Variants in VGLL4 observed in about 807,000 individuals in gnomAD.
VGLL4 encodes the protein vestigial like family member 4.
Under a neutral mutation model 21.0 loss-of-function variants are expected in VGLL4, and 7 were observed. The observed-to-expected ratio is 0.33, with a 90% CI of 0.19 to 0.63. The LOEUF is 0.63. VGLL4 is among the 20% of genes least tolerant of loss of function. The pLI, the probability that VGLL4 is intolerant of heterozygous loss-of-function variation, is 0.78. For missense variants in VGLL4, 394 were observed against 425.7 expected, an observed-to-expected ratio of 0.93 and a Z score of 0.66; for synonymous variants, 222 against 173.2, an observed-to-expected ratio of 1.28 and a Z score of -2.21.
Position 11,568,932 on chromosome 3 carries a change from C to T in VGLL4, c.273-3913G>A. On this transcript the variant is annotated intron_variant, in intron 2 of 4. Transcript: ENST00000430365. The surrounding 1 kb of genome is among the most constrained non-coding windows in gnomAD (Gnocchi z 5.9). ...CCATCCTAGGCGGGCACTTCCACTG[C>T]CAGCTGCCCACGGAGAGAAAGATGG... is the stretch of plus-strand genomic sequence containing the variant. The T allele has an allele frequency of 8.0e-7, 1 of 1,243,046 alleles. No homozygotes were observed. The highest frequency in any genetic ancestry group is 1.9e-5 in the South Asian group (1 of 51,298). 77.0% of individuals were successfully genotyped at this position (1,243,046 alleles called of 1,614,324 possible). A position where few individuals can be genotyped will look rare whatever the true frequency, so the allele number is the denominator to read the frequency against.
chr3:11,575,085 C>A (rs974692108), intron 2 of VGLL4, among the ~76,000 whole-genome samples: 2 of 152,136 alleles, frequency 1.3e-5, no homozygotes, highest in South Asian at 2.1e-4. Context: ...CACTTTACAC[C>A]GAGGAAAAGT....
At chr3:11,623,318 T>C (rs990220088) in intron 1 of VGLL4, among the ~76,000 whole-genome samples, 2 of 152,202 alleles carry the variant, frequency 1.3e-5, no homozygotes, top group Admixed American at 6.5e-5. Flanking sequence ...AGTCATCCTT[T>C]GGTATATATA....
intron 3 of VGLL4, among the ~76,000 whole-genome samples, chr3:11,563,355 T>C (rs983726075): frequency 2.0e-5 from 3 of 152,222 alleles, no homozygotes; most frequent in African/African-American, 4.8e-5. Flanking sequence ...ACAATGCCTG[T>C]TGAGCTTCCC....
At chr3:11,666,145 G>C (rs958312447) in intron 2 of VGLL4, among the ~76,000 whole-genome samples, 5 of 152,034 alleles carry the variant, frequency 3.3e-5, no homozygotes, top group Admixed American at 6.6e-5. Flanking sequence ...CCAGCTACTT[G>C]GGAGGCTGAG....
chr3:11,714,942 T>C (rs1173572369), intron 1 of VGLL4, among the ~76,000 whole-genome samples: 4 of 152,026 alleles, frequency 2.6e-5, no homozygotes, highest in African/African-American at 9.7e-5. Flanking sequence ...GAGACCATCC[T>C]GGCTAACACA....
At chr3:11,673,387 G>A (rs2133131) in intron 2 of VGLL4, among the ~76,000 whole-genome samples, 69,614 of 151,574 alleles carry the variant, frequency 0.46, 17,001 homozygotes, top group Non-Finnish European at 0.55. Context: ...ATAAAGTTGA[G>A]AAAAATCTTC....
chr3:11,702,168 T>C (rs936551417), intron 2 of VGLL4, among the ~76,000 whole-genome samples: 3 of 152,154 alleles, frequency 2.0e-5, no homozygotes, highest in Non-Finnish European at 2.9e-5. Flanking sequence ...TCTAGCTCTC[T>C]GCTGGTCAAT....
chr3:11,564,189 A>C (rs1200234612), intron 3 of VGLL4, among the ~76,000 whole-genome samples: 2 of 152,218 alleles, frequency 1.3e-5, no homozygotes, highest in African/African-American at 2.4e-5. Context: ...CCATTTTTAA[A>C]AAGATTTGTT....
chr3:11,629,422 A>G (rs2075429115), intron 1 of VGLL4, among the ~76,000 whole-genome samples: 1 of 152,002 alleles, frequency 6.6e-6, no homozygotes, highest in Non-Finnish European at 1.5e-5. Context: ...GTAAAATTTC[A>G]TAAAACGAGG....
At chr3:11,599,426 C>T (rs2074727993) in intron 2 of VGLL4, among the ~76,000 whole-genome samples, 1 of 149,290 alleles carries the variant, frequency 6.7e-6, no homozygotes. Context: ...TAAAATTTGG[C>T]GATTCTATTA....
intron 2 of VGLL4, among the ~76,000 whole-genome samples, chr3:11,661,147 G>C (rs1319766785): frequency 6.6e-6 from 1 of 152,110 alleles, no homozygotes; most frequent in Non-Finnish European, 1.5e-5. Context: ...TGGAGGGCTG[G>C]AAAGAAAGCT....
intron 2 of VGLL4, among the ~76,000 whole-genome samples, chr3:11,664,873 T>C (rs764187563): frequency 6.6e-6 from 1 of 152,122 alleles, no homozygotes; most frequent in Non-Finnish European, 1.5e-5. Context: ...CAGCACGCCA[T>C]GATCTTCAGC....
Position 11,643,330 on chromosome 3 carries a change from T to C in VGLL4, c.82+107A>G, listed in dbSNP as rs1049607493. 2.6e-6 allele frequency: 4 copies of C among 1,556,760 alleles called. No individual in the cohort carries two copies. Among genetic ancestry groups the C allele is most frequent in the Admixed American group, 1.7e-5 (1 of 57,844 alleles). On this transcript the variant is annotated intron_variant, in intron 1 of 4. Coordinates refer to ENST00000430365, the MANE Select transcript of VGLL4 (RefSeq NM_001128219.3). ...AGAAACGCCGGCCTTTCAAGTGCCC[T>C]ACACCCCGGAGGAGGACAGCGGGCG...
intron 2 of VGLL4, among the ~76,000 whole-genome samples, chr3:11,596,241 G>A (rs540725900): frequency 3.2e-4 from 48 of 152,122 alleles, no homozygotes; most frequent in Non-Finnish European, 6.8e-4. Context: ...GTCTAAAACT[G>A]AATGCAAACA....
At chr3:11,666,977 G>A (rs1446505502) in intron 2 of VGLL4, among the ~76,000 whole-genome samples, 1 of 152,090 alleles carries the variant, frequency 6.6e-6, no homozygotes, top group Non-Finnish European at 1.5e-5. Flanking sequence ...CACACACCTT[G>A]ATGCAGATCT....
At chr3:11,651,166 A>G (rs1473305833) in intron 2 of VGLL4, among the ~76,000 whole-genome samples, 1 of 152,000 alleles carries the variant, frequency 6.6e-6, no homozygotes, top group Non-Finnish European at 1.5e-5. Context: ...AACATATTGA[A>G]AACCCATCTC....
chr3:11,608,639 G>C lies in VGLL4; in HGVS notation c.83-6617C>G, dbSNP rs373188144. On this transcript the variant is annotated intron_variant, in intron 1 of 4. Coordinates refer to ENST00000430365, the MANE Select transcript of VGLL4 (RefSeq NM_001128219.3). Reference sequence around the variant, plus strand: ...AAAATAGAAAGAGGGGAGGAGAACAGGGAGGAACCGTGGAAAATGTAACCC... The same window carrying C: ...AAAATAGAAAGAGGGGAGGAGAACACGGAGGAACCGTGGAAAATGTAACCC... 1.8e-4 allele frequency among the ~76,000 whole-genome samples: 28 copies of C among 152,324 alleles called. No individual in the cohort carries two copies. The South Asian group carries it at 5.6e-3, about 30-fold the overall frequency.
rs2074887343 is a variant in VGLL4, at chr3:11,604,498, G to A, written c.83-2476C>T. On this transcript the variant is annotated intron_variant, in intron 1 of 4. Transcript: ENST00000430365. ...AGTTATGTGCCTTTATGCATCTTTGGGGCCCCTCCCTAGATGGCCTTAACC... is the reference window on the plus strand; with the variant it reads ...AGTTATGTGCCTTTATGCATCTTTGAGGCCCCTCCCTAGATGGCCTTAACC... 4.2e-6 allele frequency: 4 copies of A among 955,806 alleles called. 1 individual carries two copies. The highest frequency in any genetic ancestry group is 4.9e-6 in the Non-Finnish European group (4 of 809,062). The allele number at this position is 955,806 out of a possible 1,614,324, so 59.2% of individuals were successfully genotyped here. A position where few individuals can be genotyped will look rare whatever the true frequency, so the allele number is the denominator to read the frequency against.
intron 1 of VGLL4, among the ~76,000 whole-genome samples, chr3:11,642,510 G>C (rs1156951166): frequency 6.6e-6 from 1 of 152,196 alleles, no homozygotes; most frequent in Non-Finnish European, 1.5e-5. Flanking sequence ...GAATGAGAAA[G>C]AGAAGAGTCC....
Sources: gnomAD v4.1 joint callset for allele counts (sites outside exome capture counted in the v4.1 genomes callset) on GRCh38, gnomAD v4.1.1 for gene constraint, Gnocchi (gnomAD v3.1) non-coding constraint, MANE v1.5 for transcripts, NCBI Gene and HGNC (gene_info 2026-07-23, HGNC 2026-07-21) for gene names.